Variants in WDFY2 observed in about 807,000 individuals in gnomAD.
WDFY2 encodes WD repeat and FYVE domain containing 2, also known as WD repeat and FYVE domain-containing protein 2.
A neutral mutation model predicts 56.4 loss-of-function variants in WDFY2; 36 were observed. The observed-to-expected ratio is 0.64, with a 90% CI of 0.49 to 0.84. WDFY2 has a LOEUF of 0.84. WDFY2 is among the 40% of genes least tolerant of loss of function. The pLI, the probability that WDFY2 is intolerant of heterozygous loss-of-function variation, is 0.00. For synonymous variants in WDFY2, 176 were observed against 183.7 expected, an observed-to-expected ratio of 0.96 and a Z score of 0.34; for missense variants, 444 against 512.2, an observed-to-expected ratio of 0.87 and a Z score of 1.29.
intron 1 of WDFY2, among the ~76,000 whole-genome samples, chr13:51,622,011 A>T (rs185141352): frequency 5.5e-4 from 83 of 152,188 alleles, no homozygotes; most frequent in African/African-American, 1.7e-3. Context: ...TGTGTGTGTG[A>T]GAGAGAGAAG....
At chr13:51,757,130 C>A (rs1370780443) in intron 10 of WDFY2, among the ~76,000 whole-genome samples, 8 of 152,218 alleles carry the variant, frequency 5.3e-5, no homozygotes, top group African/African-American at 1.9e-4. Flanking sequence ...CTCAATCCTT[C>A]CAGCACCTTG....
At chr13:51,684,938 A>G (rs1483861777) in intron 3 of WDFY2, among the ~76,000 whole-genome samples, 1 of 152,160 alleles carries the variant, frequency 6.6e-6, no homozygotes, top group Non-Finnish European at 1.5e-5. Flanking sequence ...TCCCCTGTGT[A>G]TAGACTCTCA....
In WDFY2 at chr13:51,623,673, A is replaced by G. The variant is rs569526850; in HGVS notation, c.138-36923A>G. ...ATCATTCTATCAGTCAGTACCATCT[A>G]TCTCTCCAGTGCACCACGTGTCAGA... On this transcript the variant is annotated intron_variant, in intron 1 of 11. Transcript: ENST00000298125. Among the ~76,000 whole-genome samples, 271 of 152,284 alleles carry G rather than the reference A, an allele frequency of 1.8e-3. 1 individual carries two copies. Among genetic ancestry groups the G allele is most frequent in the African/African-American group, 6.3e-3 (261 of 41,554 alleles).
At chr13:51,704,360 A>T (rs1339602824) in intron 4 of WDFY2, among the ~76,000 whole-genome samples, 3 of 152,214 alleles carry the variant, frequency 2.0e-5, no homozygotes, top group African/African-American at 7.2e-5. Flanking sequence ...TTCATCAAAT[A>T]TTTATTGAGT....
intron 3 of WDFY2, among the ~76,000 whole-genome samples, chr13:51,679,307 T>A (rs942768384): frequency 1.3e-5 from 2 of 152,202 alleles, no homozygotes; most frequent in Non-Finnish European, 2.9e-5. Flanking sequence ...TGGAGAGAGA[T>A]ATATATATCT....
intron 3 of WDFY2, among the ~76,000 whole-genome samples, chr13:51,681,562 T>C (rs189462324): frequency 9.2e-5 from 14 of 152,278 alleles, no homozygotes; most frequent in Admixed American, 7.2e-4. Flanking sequence ...TTCTGAGTCA[T>C]TTTATCATTC....
intron 2 of WDFY2, among the ~76,000 whole-genome samples, chr13:51,663,840 G>A (rs534697659): frequency 9.9e-5 from 15 of 152,206 alleles, no homozygotes; most frequent in Non-Finnish European, 1.5e-4. Context: ...ATACCACAAA[G>A]CAGATATGAC....
chr13:51,730,013 T>G (rs1271880569), intron 6 of WDFY2, among the ~76,000 whole-genome samples: 1 of 152,092 alleles, frequency 6.6e-6, no homozygotes, highest in East Asian at 1.9e-4. Context: ...CCCTGGAAAC[T>G]GTTACTCTGC....
chr13:51,741,177 T>C (rs967339098), intron 7 of WDFY2, among the ~76,000 whole-genome samples: 4 of 152,230 alleles, frequency 2.6e-5, no homozygotes, highest in African/African-American at 9.6e-5. Flanking sequence ...TTGGAGTCCA[T>C]GCTGATAGAA....
At chr13:51,609,989 A>G (rs887075712) in intron 1 of WDFY2, among the ~76,000 whole-genome samples, 1 of 152,154 alleles carries the variant, frequency 6.6e-6, no homozygotes, top group Non-Finnish European at 1.5e-5. Context: ...CTCAACATGT[A>G]TGATTCTTGT....
At chr13:51,613,018 G>A (rs1954533353) in intron 1 of WDFY2, among the ~76,000 whole-genome samples, 1 of 152,092 alleles carries the variant, frequency 6.6e-6, no homozygotes, top group South Asian at 2.1e-4. Context: ...TATTCTTGGT[G>A]GAGGCCGTGG....
chr13:51,614,766 G>A (rs1243639743), intron 1 of WDFY2, among the ~76,000 whole-genome samples: 1 of 152,138 alleles, frequency 6.6e-6, no homozygotes, highest in Non-Finnish European at 1.5e-5. Flanking sequence ...AGTTTTGGCC[G>A]GGCACGTTGT....
chr13:51,747,037 A>G (rs1953119984), intron 7 of WDFY2, among the ~76,000 whole-genome samples: 1 of 152,274 alleles, frequency 6.6e-6, no homozygotes, highest in Admixed American at 6.5e-5. Context: ...CCTGTGCCAA[A>G]GAGTCTGTTC....
intron 3 of WDFY2, among the ~76,000 whole-genome samples, chr13:51,689,298 C>T (rs1291734995): frequency 6.6e-6 from 1 of 152,136 alleles, no homozygotes; most frequent in Non-Finnish European, 1.5e-5. Context: ...AGCATCCAGG[C>T]AGACTAGAGG....
intron 1 of WDFY2, among the ~76,000 whole-genome samples, chr13:51,605,266 G>T (rs749184568): frequency 1.3e-5 from 2 of 152,134 alleles, no homozygotes; most frequent in African/African-American, 4.8e-5. Flanking sequence ...GTCAGACCTG[G>T]GTTCAGTGTC....
rs1040055833 is a variant in WDFY2 at position 51,766,806 on chromosome 13, G to A, written c.*7037G>A. On this transcript the variant is annotated 3_prime_UTR_variant, in exon 12 of 12. Transcript: ENST00000298125. ...CTGTGAAAACCTTTCTGCAGCTATGGTCCCATCACGGTTACATGTGGCCAC... is the reference window on the plus strand; with the variant it reads ...CTGTGAAAACCTTTCTGCAGCTATGATCCCATCACGGTTACATGTGGCCAC... 6.6e-6 allele frequency: 1 copy of A among 152,228 alleles called. No individual in the cohort carries two copies. The highest frequency in any genetic ancestry group is 1.5e-5 in the Non-Finnish European group (1 of 68,064). 9.4% of individuals were successfully genotyped at this position (152,228 alleles called of 1,614,324 possible). A position where few individuals can be genotyped will look rare whatever the true frequency, so the allele number is the denominator to read the frequency against.
At chr13:51,598,451 C>G (rs4943009) in intron 1 of WDFY2, 1 of 152,066 alleles carries the variant, frequency 6.6e-6, no homozygotes, top group Non-Finnish European at 1.5e-5. Flanking sequence ...TTTCTGCTTA[C>G]GCCACAGTGG....
chr13:51,680,065 T>C (rs1212500158), intron 3 of WDFY2, among the ~76,000 whole-genome samples: 1 of 152,060 alleles, frequency 6.6e-6, no homozygotes, highest in African/African-American at 2.4e-5. Context: ...GATAGGACTG[T>C]AAGTGTGCAC....
chr13:51,702,343 T>A (rs1360263424), intron 3 of WDFY2, among the ~76,000 whole-genome samples: 2 of 151,810 alleles, frequency 1.3e-5, no homozygotes, highest in Non-Finnish European at 2.9e-5. Context: ...GTCTGCTGTG[T>A]CCAATTGTAG....
Sources: allele counts gnomAD v4.1 joint callset (sites outside exome capture counted in the v4.1 genomes callset), GRCh38; gene constraint gnomAD v4.1.1; transcripts MANE v1.5; gene names NCBI Gene and HGNC (gene_info 2026-07-23, HGNC 2026-07-21).